SYTL2: variants seen among roughly 807,000 people sequenced by gnomAD.
SYTL2 encodes synaptotagmin-like protein 2.
A neutral mutation model predicts 198.7 loss-of-function variants in SYTL2; 165 were observed. The ratio of observed to expected loss-of-function variants is 0.83; its 90% CI spans 0.73 to 0.94. The LOEUF (loss-of-function observed/expected upper bound fraction) is 0.94. Ranked by LOEUF, SYTL2 falls within the 40% of genes least tolerant of loss-of-function variation. The probability of loss-of-function intolerance (pLI) is 0.00; values close to 1 mark genes in which losing one functional copy is unlikely to be tolerated. For synonymous variants in SYTL2, 966 were observed against 917.7 expected (o/e 1.05, Z -0.95); for missense variants, 2,835 against 2,582.8 (o/e 1.10, Z -2.12).
At chr11:85,722,050 C>T (rs890665940) in intron 8 of SYTL2, among the ~76,000 whole-genome samples, 1 of 151,660 alleles carries the variant, frequency 6.6e-6, no homozygotes, top group African/African-American at 2.4e-5. Flanking sequence ...CTGCAGTTTG[C>T]TTTAAAATAA....
chr11:85,775,709 G>T (rs1470712053), intron 1 of SYTL2, among the ~76,000 whole-genome samples: 1 of 152,126 alleles, frequency 6.6e-6, no homozygotes, highest in Non-Finnish European at 1.5e-5. Context: ...TTGAACTCCT[G>T]ACCTCAAGTA....
At chr11:85,776,523 G>T (rs2092454402) in intron 1 of SYTL2, among the ~76,000 whole-genome samples, 1 of 152,152 alleles carries the variant, frequency 6.6e-6, no homozygotes. Context: ...TCTTGTGATA[G>T]TTTGCTGAGA....
chr11:85,717,311 C>G (rs956209147), intron 11 of SYTL2, among the ~76,000 whole-genome samples, 172 bp downstream of exon 11: 1 of 152,066 alleles, frequency 6.6e-6, no homozygotes, highest in Non-Finnish European at 1.5e-5. Context: ...TCAACACAGA[C>G]AATAGTAAAA....
At chr11:85,762,237 A>G (rs1007014128) in intron 1 of SYTL2, among the ~76,000 whole-genome samples, 6 of 152,204 alleles carry the variant, frequency 3.9e-5, no homozygotes, top group African/African-American at 1.4e-4. Context: ...CTCAGTGCTA[A>G]ACTGTGAGGG....
intron 2 of SYTL2, among the ~76,000 whole-genome samples, chr11:85,750,032 C>T (rs1290108483): frequency 6.6e-6 from 1 of 152,174 alleles, no homozygotes; most frequent in Non-Finnish European, 1.5e-5. Context: ...GCCCATACCC[C>T]ACTTGCCAGC....
At chr11:85,728,272 T>C (rs1356199830) in intron 7 of SYTL2, among the ~76,000 whole-genome samples, 1 of 152,148 alleles carries the variant, frequency 6.6e-6, no homozygotes, top group African/African-American at 2.4e-5. Flanking sequence ...TTGCATTCTG[T>C]TTCATGTTAC....
chr11:85,707,430 C>T lies in SYTL2; in HGVS notation c.6017G>A (p.Arg2006Gln), dbSNP rs770339928. ...TLNPVYNEIL[R>Q]YKIEKQILKT... ...CCTATAGAGAGAGTTCATAGATACC[C>T]GCAGTATTTCGTTATACACAGGATT... The change falls in exon 15 of 20, where the codon CGG (arginine) becomes CAG (glutamine). Residue 2006 changes from arginine to glutamine, a missense_variant and splice_region_variant. Around this residue, in one of 3 missense-constraint regions of SYTL2, gnomAD observed 2,645 missense variants for 2,381.7 expected, o/e 1.11. Transcript: ENST00000359152. 1.3e-5 allele frequency: 21 copies of T among 1,606,438 alleles called. No homozygotes were observed. The highest frequency in any genetic ancestry group is 1.6e-5 in the Non-Finnish European group (19 of 1,173,564).
chr11:85,771,112 G>A (rs1160656545), intron 1 of SYTL2, among the ~76,000 whole-genome samples: 1 of 152,178 alleles, frequency 6.6e-6, no homozygotes, highest in Non-Finnish European at 1.5e-5. Flanking sequence ...CTCTTTGAGG[G>A]AAGGATTTTT....
In SYTL2 at chr11:85,724,549, C is replaced by G. The variant is rs755942812; in HGVS notation, c.4809G>C (p.Arg1603Ser). The G allele has an allele frequency of 6.2e-7, 1 of 1,613,910 alleles. No individual in the cohort carries two copies. The highest frequency in any genetic ancestry group is 8.5e-7 in the Non-Finnish European group (1 of 1,180,024). The stretch of plus-strand genomic sequence containing the variant: ...AAAAATGGGGCACTGTCCCCAAGAA[C>G]CTGGTCTGCTCTGACTGTGAGGACT... Reference protein sequence around the residue: ...EKESSQSEQTRFLGTVPHFYR... With the variant: ...EKESSQSEQTSFLGTVPHFYR... Residue 1603 changes from arginine to serine, a missense_variant, in exon 8 of 20, where the codon AGG (arginine) becomes AGC (serine). This residue lies in a region of SYTL2 where 2,645 missense variants were observed against 2,381.7 expected (regional missense o/e 1.11). Coordinates refer to ENST00000359152, the MANE Select transcript of SYTL2 (RefSeq NM_206927.4).
At chr11:85,780,817 G>A (rs2092547011) in intron 1 of SYTL2, among the ~76,000 whole-genome samples, 1 of 152,244 alleles carries the variant, frequency 6.6e-6, no homozygotes, top group African/African-American at 2.4e-5. Context: ...AGAAATATAG[G>A]TGACAACCTA....
chr11:85,739,459 C>T (rs1009509097), intron 4 of SYTL2, among the ~76,000 whole-genome samples: 1 of 151,912 alleles, frequency 6.6e-6, no homozygotes, highest in African/African-American at 2.4e-5. Context: ...TAGGGGCAAA[C>T]TGGGATGAGG....
In SYTL2 at chr11:85,725,586, T is replaced by G. The variant is rs2089034180; in HGVS notation, c.3772A>C (p.Asn1258His). The change falls in exon 8 of 20, where the codon AAT (asparagine) becomes CAT (histidine). Residue 1258 changes from asparagine to histidine, a missense_variant. Coordinates refer to ENST00000359152, the MANE Select transcript of SYTL2 (RefSeq NM_206927.4). The stretch of plus-strand genomic sequence containing the variant: ...ATTTCTCTCTTATCAGCTGAAGTAT[T>G]GTGACTCTGTTCTATCCCTTTTCCA... The part of the protein sequence containing the change: ...FFGKGIEQSH[N>H]TSADKREILA... 2 of 1,614,112 alleles carry G rather than the reference T, an allele frequency of 1.2e-6. No individual in the cohort carries two copies. Among genetic ancestry groups the G allele is most frequent in the Non-Finnish European group, 1.7e-6 (2 of 1,179,980 alleles).
intron 4 of SYTL2, among the ~76,000 whole-genome samples, chr11:85,744,312 A>G (rs576180221): frequency 1.3e-5 from 2 of 152,292 alleles, no homozygotes; most frequent in African/African-American, 4.8e-5. Context: ...CCATTTTAAA[A>G]CTGAGGAAAT....
At chr11:85,775,712 C>G (rs2092440965) in intron 1 of SYTL2, among the ~76,000 whole-genome samples, 1 of 152,138 alleles carries the variant, frequency 6.6e-6, no homozygotes, top group African/African-American at 2.4e-5. Flanking sequence ...AACTCCTGAC[C>G]TCAAGTAATC....
the SYTL2 span, chr11:85,853,627 C>T: frequency 6.6e-6 from 1 of 150,538 alleles, no homozygotes; most frequent in Non-Finnish European, 1.5e-5. Context: ...GCCAAATCCC[C>T]CTCTGCGAGA....
At chr11:85,771,905 T>G (rs906789111) in intron 1 of SYTL2, among the ~76,000 whole-genome samples, 2 of 151,542 alleles carry the variant, frequency 1.3e-5, no homozygotes, top group East Asian at 3.9e-4. Flanking sequence ...TATAGTTATA[T>G]ATATATATAT....
At chr11:85,814,281 A>G (rs1399471506), upstream of SYTL2, among the ~76,000 whole-genome samples, 1 of 152,172 alleles carries the variant, frequency 6.6e-6, no homozygotes, top group Non-Finnish European at 1.5e-5. Flanking sequence ...CTCCTTCAAC[A>G]TCTACCTTGG....
chr11:85,781,520 A>C (rs934403028), intron 1 of SYTL2, among the ~76,000 whole-genome samples: 1 of 152,180 alleles, frequency 6.6e-6, no homozygotes, highest in African/African-American at 2.4e-5. Flanking sequence ...ACAAATTCTT[A>C]ACTCATTTCA....
At chr11:85,697,236 G>A (rs1268080989) in intron 18 of SYTL2, among the ~76,000 whole-genome samples, 2 of 152,118 alleles carry the variant, frequency 1.3e-5, no homozygotes, top group Admixed American at 6.5e-5. Context: ...GAAGGGGTTT[G>A]GCTATGTTGA....
Sources: allele counts gnomAD v4.1 joint callset (sites outside exome capture counted in the v4.1 genomes callset), GRCh38; gene constraint gnomAD v4.1.1; regional missense constraint gnomAD v4.1.1; transcripts MANE v1.5; gene names NCBI Gene and HGNC (gene_info 2026-07-23, HGNC 2026-07-21).